The following CDH4 variants were observed in gnomAD, a reference collection of about 807,000 sequenced individuals.
CDH4 encodes cadherin-4.
A neutral mutation model predicts 86.0 loss-of-function variants in CDH4; 33 were observed. The observed-to-expected ratio is 0.38, with a 90% CI of 0.29 to 0.51. The LOEUF (loss-of-function observed/expected upper bound fraction) is 0.51, where lower values mean the gene tolerates loss of function less well. CDH4 is among the 20% of genes least tolerant of loss of function. CDH4 has a pLI of 0.86. For missense variants in CDH4, 1,114 were observed against 1,307.4 expected (o/e 0.85, Z 2.28); for synonymous variants, 555 against 549.4 (o/e 1.01, Z -0.14).
At chr20:61,828,722 C>T (rs1211781014) in intron 4 of CDH4, among the ~76,000 whole-genome samples, 2 of 152,238 alleles carry the variant, frequency 1.3e-5, no homozygotes, top group African/African-American at 4.8e-5. Flanking sequence ...GTGGCCTTGG[C>T]TCAGACACTG....
intron 2 of CDH4, among the ~76,000 whole-genome samples, chr20:61,295,975 G>A (rs1284309334): frequency 6.6e-6 from 1 of 152,214 alleles, no homozygotes; most frequent in Non-Finnish European, 1.5e-5. Context: ...GGAACACGTG[G>A]GAGGGTCTAC....
intron 2 of CDH4, among the ~76,000 whole-genome samples, chr20:61,691,614 C>T (rs1273146391): frequency 6.6e-6 from 1 of 152,184 alleles, no homozygotes; most frequent in Non-Finnish European, 1.5e-5. Context: ...TGCAAACCTA[C>T]ATGGTCCAGC....
At chr20:61,580,976 T>C (rs1257351869) in intron 2 of CDH4, among the ~76,000 whole-genome samples, 1 of 152,212 alleles carries the variant, frequency 6.6e-6, no homozygotes, top group East Asian at 1.9e-4. Context: ...TCCTGAAGCA[T>C]GGATTCCAGA....
Position 61,708,461 on chromosome 20 carries a change from CAG to C in CDH4, c.170-35101_170-35100del, listed in dbSNP as rs1013006311. Among the ~76,000 whole-genome samples the C allele has an allele frequency of 4.9e-4, 74 of 152,304 alleles. No homozygotes were observed. The highest frequency in any genetic ancestry group is 1.6e-3 in the African/African-American group (67 of 41,576). ...TGCAGCATCCACCTCCTGCCACAGT[CAG>C]GGGGCTATGGAGAAACCCAATCCAG... On this transcript the variant is annotated intron_variant, in intron 2 of 15. Transcript: ENST00000614565. This position sits in a 1 kb window ranked among gnomAD's most constrained non-coding sequence, Gnocchi z 4.5.
chr20:61,575,482 G>T (rs1031965786), intron 2 of CDH4, among the ~76,000 whole-genome samples: 2 of 152,190 alleles, frequency 1.3e-5, no homozygotes, highest in African/African-American at 4.8e-5. Flanking sequence ...ACACAGACCT[G>T]TACTCGTGGA....
At chr20:61,504,404 G>C (rs1482655569) in intron 2 of CDH4, among the ~76,000 whole-genome samples, 1 of 152,164 alleles carries the variant, frequency 6.6e-6, no homozygotes, top group Non-Finnish European at 1.5e-5. Context: ...GCTTGGGATG[G>C]CTCCTTAAAC....
chr20:61,447,109 ACT>A (rs1485329382), intron 2 of CDH4, among the ~76,000 whole-genome samples: 1 of 151,424 alleles, frequency 6.6e-6, no homozygotes, highest in Non-Finnish European at 1.5e-5. Flanking sequence ...CATTATAAAT[ACT>A]CTCTGTGATT....
intron 9 of CDH4, among the ~76,000 whole-genome samples, chr20:61,920,151 T>C (rs1600773449): frequency 6.3e-5 from 5 of 78,862 alleles, no homozygotes; most frequent in African/African-American, 1.9e-4. Context: ...GGTTTTGTGA[T>C]TGCATGGAAG....
rs1180549394 is a variant in CDH4 at position 61,708,095 on chromosome 20, C to T, written c.170-35468C>T. 1.3e-5 allele frequency among the ~76,000 whole-genome samples: 2 copies of T among 152,090 alleles called. No homozygotes were observed. The highest frequency in any genetic ancestry group is 6.5e-5 in the Admixed American group (1 of 15,280). On this transcript the variant is annotated intron_variant, in intron 2 of 15. Coordinates refer to ENST00000614565, the MANE Select transcript of CDH4 (RefSeq NM_001794.5). The surrounding 1 kb of genome is among the most constrained non-coding windows in gnomAD (Gnocchi z 4.5). ...AGGACCTGGGCTCTGCTGGGGGTCC[C>T]GGGCTGTGGCGCGTCTCCCTGGGCA...
At chr20:61,314,393 T>C (rs1489671408) in intron 2 of CDH4, among the ~76,000 whole-genome samples, 1 of 152,200 alleles carries the variant, frequency 6.6e-6, no homozygotes, top group Non-Finnish European at 1.5e-5. Flanking sequence ...CTGGCTTGTT[T>C]TATTTAGTAT....
intron 2 of CDH4, among the ~76,000 whole-genome samples, chr20:61,316,888 C>T (rs373817102): frequency 3.9e-5 from 6 of 152,222 alleles, no homozygotes; most frequent in African/African-American, 4.8e-5. Flanking sequence ...GGTGGGGAGG[C>T]GCCTGGACGT....
chr20:61,737,395 C>A (rs556955955), intron 2 of CDH4, among the ~76,000 whole-genome samples: 1 of 152,216 alleles, frequency 6.6e-6, no homozygotes, highest in South Asian at 2.1e-4. Context: ...AGAGATGGAT[C>A]CCCACAGGCT....
At chr20:61,697,611 C>CA (rs1188814557) in intron 2 of CDH4, among the ~76,000 whole-genome samples, 4 of 151,530 alleles carry the variant, frequency 2.6e-5, no homozygotes, top group Non-Finnish European at 5.9e-5. Flanking sequence ...GCGGGGGGAA[C>CA]AAAAAAAAGG....
chr20:61,497,039 C>T (rs1473931867), intron 2 of CDH4, among the ~76,000 whole-genome samples: 4 of 150,398 alleles, frequency 2.7e-5, no homozygotes, highest in Admixed American at 2.6e-4. Context: ...TTAATATCAG[C>T]CGTGAATAAG....
At chr20:61,538,027 C>A (rs2145651176) in intron 2 of CDH4, among the ~76,000 whole-genome samples, 1 of 152,310 alleles carries the variant, frequency 6.6e-6, no homozygotes, top group South Asian at 2.1e-4. Context: ...AATAGTGAGC[C>A]CCTCCAAACC....
rs2087210572 is a variant in CDH4 at position 61,657,991 on chromosome 20, G to C, written c.170-85572G>C. On this transcript the variant is annotated intron_variant, in intron 2 of 15. Coordinates refer to ENST00000614565, the MANE Select transcript of CDH4 (RefSeq NM_001794.5). ...TTCTGCTTTATGACCCTTTACTGGA[G>C]GGAAGCAGAGTGGATTAAGGGAACA... Among the ~76,000 whole-genome samples, 7 of 152,104 alleles carry C rather than the reference G, an allele frequency of 4.6e-5. No individual in the cohort carries two copies. The South Asian group carries it at 1.5e-3, about 32-fold the overall frequency.
chr20:61,345,352 A>G (rs937803626), intron 2 of CDH4, among the ~76,000 whole-genome samples: 33 of 152,392 alleles, frequency 2.2e-4, no homozygotes, highest in African/African-American at 7.5e-4. Context: ...TGATGAGCAT[A>G]GTGAAACTCA....
intron 6 of CDH4, among the ~76,000 whole-genome samples, chr20:61,867,404 G>A (rs1173764421): frequency 2.0e-5 from 3 of 152,160 alleles, no homozygotes; most frequent in Admixed American, 1.3e-4. Flanking sequence ...ACAAAAATTA[G>A]TCGGGCATGT....
chr20:61,321,185 T>A (rs1437337250), intron 2 of CDH4, among the ~76,000 whole-genome samples: 1 of 152,156 alleles, frequency 6.6e-6, no homozygotes, highest in East Asian at 1.9e-4. Context: ...TCATTAGTCG[T>A]TGATTGAGGT....
Sources: allele counts gnomAD v4.1 joint callset (sites outside exome capture counted in the v4.1 genomes callset), GRCh38; gene constraint gnomAD v4.1.1; non-coding constraint Gnocchi (gnomAD v3.1); transcripts MANE v1.5; gene names NCBI Gene and HGNC (gene_info 2026-07-23, HGNC 2026-07-21).